ZFPM2: variants seen among roughly 807,000 people sequenced by gnomAD.
ZFPM2 encodes the protein zinc finger protein ZFPM2.
A neutral mutation model predicts 98.6 loss-of-function variants in ZFPM2; 20 were observed. That is an observed-to-expected ratio of 0.20 (90% CI 0.14 to 0.29). The LOEUF is 0.29. Among genes scored for constraint, ZFPM2 ranks in the 10% least tolerant of loss-of-function variants. The pLI is 1.00. For synonymous variants in ZFPM2, 518 were observed against 502.7 expected, an observed-to-expected ratio of 1.03 and a Z score of -0.41; for missense variants, 1,310 against 1,388.6, an observed-to-expected ratio of 0.94 and a Z score of 0.90.
intron 4 of ZFPM2, among the ~76,000 whole-genome samples, chr8:105,603,946 A>G (rs1816144804): frequency 6.6e-6 from 1 of 151,952 alleles, no homozygotes; most frequent in Admixed American, 6.6e-5. Context: ...TATTGAGTCC[A>G]GGACTCCGGT....
At chr8:105,793,298 C>A (rs1332754848) in intron 6 of ZFPM2, among the ~76,000 whole-genome samples, 2 of 152,072 alleles carry the variant, frequency 1.3e-5, no homozygotes, top group African/African-American at 2.4e-5. Context: ...CAAAATCTCT[C>A]AGCATTTGCT....
intron 1 of ZFPM2, among the ~76,000 whole-genome samples, chr8:105,414,078 T>C (rs546617406): frequency 6.6e-4 from 101 of 152,112 alleles, no homozygotes; most frequent in Non-Finnish European, 1.1e-3. Flanking sequence ...GCTAGTCTTG[T>C]GCAGCTTCTA....
chr8:105,603,203 T>A (rs2130786600), intron 4 of ZFPM2, among the ~76,000 whole-genome samples: 1 of 152,216 alleles, frequency 6.6e-6, no homozygotes, highest in Non-Finnish European at 1.5e-5. Context: ...TAAAAAGAGT[T>A]GGCATAGAGC....
chr8:105,619,394 A>G (rs35820673), intron 4 of ZFPM2, among the ~76,000 whole-genome samples: 30,813 of 151,920 alleles, frequency 0.2, 3,168 homozygotes, highest in South Asian at 0.26. Flanking sequence ...TATATTGTGA[A>G]CATCTTGAAG....
chr8:105,580,736 C>T (rs1238579082), intron 4 of ZFPM2, among the ~76,000 whole-genome samples: 2 of 151,698 alleles, frequency 1.3e-5, no homozygotes, highest in Non-Finnish European at 2.9e-5. Flanking sequence ...TGGCCCTTTT[C>T]TCCCTAGAAA....
At chr8:105,479,963 A>G (rs1179312703) in intron 3 of ZFPM2, among the ~76,000 whole-genome samples, 1 of 152,190 alleles carries the variant, frequency 6.6e-6, no homozygotes, top group Non-Finnish European at 1.5e-5. Context: ...ATTACACTGC[A>G]TAGATCAAGG....
At chr8:105,425,074 T>C (rs1424687389) in intron 2 of ZFPM2, among the ~76,000 whole-genome samples, 4 of 152,060 alleles carry the variant, frequency 2.6e-5, no homozygotes, top group Non-Finnish European at 5.9e-5. Context: ...GTTAGTGTTA[T>C]AGGAAGCCAG....
intron 2 of ZFPM2, among the ~76,000 whole-genome samples, chr8:105,441,191 A>G (rs1314187003): frequency 6.6e-6 from 1 of 151,420 alleles, no homozygotes; most frequent in East Asian, 1.9e-4. Context: ...CAAAAACCAA[A>G]AAAACCCCTT....
chr8:105,613,041 CAGTA>C (rs1374872839), intron 4 of ZFPM2, among the ~76,000 whole-genome samples: 1 of 152,134 alleles, frequency 6.6e-6, no homozygotes, highest in Non-Finnish European at 1.5e-5. Flanking sequence ...AGTAGGTGAT[CAGTA>C]AGTGTCTTGT....
chr8:105,348,439 T>A (rs1812580061), intron 1 of ZFPM2, among the ~76,000 whole-genome samples: 1 of 152,318 alleles, frequency 6.6e-6, no homozygotes, highest in Non-Finnish European at 1.5e-5. Flanking sequence ...GGGATCCAAA[T>A]GCCAATGTGT....
At chr8:105,404,524 AT>A (rs200986015) in intron 1 of ZFPM2, among the ~76,000 whole-genome samples, 17 of 151,796 alleles carry the variant, frequency 1.1e-4, no homozygotes, top group Non-Finnish European at 4.4e-5. Flanking sequence ...ATTTTTCTTT[AT>A]TTTTTTGTCA....
intron 3 of ZFPM2, among the ~76,000 whole-genome samples, chr8:105,509,685 G>A (rs1813776351): frequency 6.6e-6 from 1 of 151,842 alleles, no homozygotes; most frequent in Non-Finnish European, 1.5e-5. Flanking sequence ...CATTTTTGAT[G>A]GCTGAACTTT....
At chr8:105,340,826 T>A (rs1376119587) in intron 1 of ZFPM2, among the ~76,000 whole-genome samples, 1 of 151,950 alleles carries the variant, frequency 6.6e-6, no homozygotes, top group Non-Finnish European at 1.5e-5. Context: ...GAATGTGCAA[T>A]GCAATTTCAG....
chr8:105,383,386 A>C (rs1160681403), intron 1 of ZFPM2, among the ~76,000 whole-genome samples: 1 of 152,198 alleles, frequency 6.6e-6, no homozygotes, highest in Non-Finnish European at 1.5e-5. Flanking sequence ...TTACAGTCAA[A>C]AATTGGTCAG....
At chr8:105,648,618 T>C (rs371938709) in intron 5 of ZFPM2, among the ~76,000 whole-genome samples, 3 of 152,112 alleles carry the variant, frequency 2.0e-5, no homozygotes, top group Non-Finnish European at 2.9e-5. Flanking sequence ...TTCCCAGCAC[T>C]ATTTATTAAA....
chr8:105,453,000 A>G (rs957723223), intron 3 of ZFPM2, among the ~76,000 whole-genome samples: 3 of 152,208 alleles, frequency 2.0e-5, no homozygotes, highest in Admixed American at 2.0e-4. Context: ...ATAAGTAAAG[A>G]TCAACACGAT....
At position 105,516,946 on chromosome 8, in the gene ZFPM2, A is replaced by G. The variant is rs946017049; in HGVS notation, c.302-44417A>G. Among the ~76,000 whole-genome samples, 3 of 152,300 alleles carry G rather than the reference A, an allele frequency of 2.0e-5. No individual in the cohort carries two copies. The East Asian group carries it at 5.8e-4, about 29-fold the overall frequency. ...ATGCCAACTCATGTCTTTTGCGTCT[A>G]TAGCTCTTGCTCTAACCATAGTGTT... On this transcript the variant is annotated intron_variant, in intron 3 of 7. Transcript: ENST00000407775.
At chr8:105,619,375 T>C (rs1271316254) in intron 4 of ZFPM2, among the ~76,000 whole-genome samples, 1 of 152,104 alleles carries the variant, frequency 6.6e-6, no homozygotes, top group Non-Finnish European at 1.5e-5. Context: ...TAGATATTTT[T>C]ATTATTAATA....
At chr8:105,792,344 C>A (rs187317797) in intron 6 of ZFPM2, among the ~76,000 whole-genome samples, 1 of 152,070 alleles carries the variant, frequency 6.6e-6, no homozygotes, top group Non-Finnish European at 1.5e-5. Context: ...CATTTCGTTA[C>A]GTACCCAGTA....
Sources: gnomAD v4.1 joint callset for allele counts (sites outside exome capture counted in the v4.1 genomes callset) on GRCh38, gnomAD v4.1.1 for gene constraint, MANE v1.5 for transcripts, NCBI Gene and HGNC (gene_info 2026-07-23, HGNC 2026-07-21) for gene names.